VAT1L: variants seen among roughly 807,000 people sequenced by gnomAD.
VAT1L encodes vesicle amine transport 1 like.
VAT1L carries 34 observed loss-of-function variants against 44.1 expected under a neutral mutation model. That is an observed-to-expected ratio of 0.77 (90% CI 0.59 to 1.03). VAT1L has a LOEUF of 1.03. Ranked by LOEUF, VAT1L falls within the 50% of genes least tolerant of loss-of-function variation. VAT1L has a pLI of 0.00. For missense variants in VAT1L, 615 were observed against 538.8 expected (o/e 1.14, Z -1.40); for synonymous variants, 253 against 202.2 (o/e 1.25, Z -2.13).
At chr16:77,806,028 A>G (rs1290030340) in intron 1 of VAT1L, among the ~76,000 whole-genome samples, 1 of 150,786 alleles carries the variant, frequency 6.6e-6, no homozygotes, top group African/African-American at 2.4e-5. Flanking sequence ...ATGCCCAGCA[A>G]ATTTTTATAT....
intron 7 of VAT1L, among the ~76,000 whole-genome samples, chr16:77,918,801 A>G (rs2017579325): frequency 6.6e-6 from 1 of 152,098 alleles, no homozygotes; most frequent in South Asian, 2.1e-4. Context: ...TGGAGGAAGG[A>G]GCCTTCCCTT....
rs1372008530 is a variant in VAT1L at position 77,978,052 on chromosome 16, G to C, written c.*357G>C. 4.7e-6 allele frequency: 1 copy of C among 212,548 alleles called. No individual in the cohort carries two copies. The allele number at this position is 212,548 out of a possible 1,614,324, so 13.2% of individuals were successfully genotyped here. Reference sequence around the variant, plus strand: ...GGCAAAGACAAGTTTGGATGGAAAGGTGTTATCACAGAGCCCTGTCCAGCT... The same window carrying C: ...GGCAAAGACAAGTTTGGATGGAAAGCTGTTATCACAGAGCCCTGTCCAGCT... On this transcript the variant is annotated 3_prime_UTR_variant, in exon 9 of 9. Transcript: ENST00000302536.
At chr16:77,807,426 C>G (rs2016181220) in intron 1 of VAT1L, among the ~76,000 whole-genome samples, 1 of 152,172 alleles carries the variant, frequency 6.6e-6, no homozygotes, top group African/African-American at 2.4e-5. Context: ...AAGGCCCAGT[C>G]CCCATGTCTT....
chr16:77,840,940 A>C (rs8052795), intron 3 of VAT1L, among the ~76,000 whole-genome samples: 23,378 of 152,242 alleles, frequency 0.15, 2,910 homozygotes, highest in African/African-American at 0.34. Context: ...TATTCAAATT[A>C]CATAAACATG....
At chr16:77,838,773 CTTCCT>C (rs1321299289) in intron 3 of VAT1L, among the ~76,000 whole-genome samples, 2 of 149,824 alleles carry the variant, frequency 1.3e-5, no homozygotes, top group Non-Finnish European at 3.0e-5. Flanking sequence ...TCTCTCCTTC[CTTCCT>C]TTCTTCTTTT....
At chr16:77,821,463 C>A (rs949956732) in intron 2 of VAT1L, among the ~76,000 whole-genome samples, 2 of 151,848 alleles carry the variant, frequency 1.3e-5, no homozygotes, top group African/African-American at 4.8e-5. Context: ...GCTAATTTTT[C>A]TGTATTTTTA....
chr16:77,862,065 A>T (rs1422939635), intron 3 of VAT1L, among the ~76,000 whole-genome samples: 1 of 152,238 alleles, frequency 6.6e-6, no homozygotes, highest in African/African-American at 2.4e-5. Flanking sequence ...GCTGTGAAGT[A>T]GGTGGCATTG....
chr16:77,961,178 C>T (rs544534523), intron 7 of VAT1L, among the ~76,000 whole-genome samples: 1 of 152,074 alleles, frequency 6.6e-6, no homozygotes, highest in East Asian at 1.9e-4. Flanking sequence ...GCTTGAGGAA[C>T]AAGAGTCTTT....
rs2018357413 is a variant in VAT1L, at chr16:77,977,783, G to A, written c.*88G>A. 14 of 1,277,060 alleles carry A rather than the reference G, an allele frequency of 1.1e-5. No homozygotes were observed. Among genetic ancestry groups the A allele is most frequent in the Non-Finnish European group, 1.6e-5 (14 of 902,024 alleles). The allele number at this position is 1,277,060 out of a possible 1,614,324, so 79.1% of individuals were successfully genotyped here. A position where few individuals can be genotyped will look rare whatever the true frequency, so the allele number is the denominator to read the frequency against. ...CTCTTCTGTGCCCCAGTGAACAAAT[G>A]CTGTAGTCCAGTGCGTGTCGTGTTT... On this transcript the variant is annotated 3_prime_UTR_variant, in exon 9 of 9. Coordinates refer to ENST00000302536, the MANE Select transcript of VAT1L (RefSeq NM_020927.3).
chr16:77,870,308 C>T (rs2017018185), intron 4 of VAT1L, among the ~76,000 whole-genome samples: 2 of 152,166 alleles, frequency 1.3e-5, no homozygotes, highest in African/African-American at 4.8e-5. Context: ...ATAGTCTCAT[C>T]CTGTGATGGT....
intron 5 of VAT1L, among the ~76,000 whole-genome samples, chr16:77,878,504 C>T (rs538686710): frequency 8.6e-5 from 13 of 152,044 alleles, no homozygotes; most frequent in South Asian, 8.3e-4. Flanking sequence ...CTTTACTCTC[C>T]GTATGAGAAT....
At chr16:77,970,778 G>C (rs1447406353) in intron 7 of VAT1L, among the ~76,000 whole-genome samples, 1 of 152,196 alleles carries the variant, frequency 6.6e-6, no homozygotes, top group African/African-American at 2.4e-5. Context: ...GCTGTGTCAA[G>C]TTGTTATCCA....
intron 7 of VAT1L, among the ~76,000 whole-genome samples, chr16:77,909,267 C>G (rs1349961514): frequency 6.6e-6 from 1 of 152,164 alleles, no homozygotes; most frequent in African/African-American, 2.4e-5. Flanking sequence ...TGATGATATT[C>G]TGTCATAAGC....
chr16:77,977,630 G>C lies in VAT1L; in HGVS notation c.1195G>C (p.Gly399Arg). Residue 399 changes from glycine (G) to arginine (R), a missense_variant, in exon 9 of 9, where the codon GGG (glycine) becomes CGG (arginine). Coordinates refer to ENST00000302536, the MANE Select transcript of VAT1L (RefSeq NM_020927.3). ...ANDSTETSEA[G>R]EEEEDHEGDS... is the part of the protein sequence containing the mutation. Reference sequence around the variant, plus strand: ...TGACAGCACAGAGACCAGTGAAGCAGGGGAAGAGGAGGAGGACCACGAGGG... The same window carrying C: ...TGACAGCACAGAGACCAGTGAAGCACGGGAAGAGGAGGAGGACCACGAGGG... The C allele has an allele frequency of 6.2e-7, 1 of 1,614,114 alleles. No individual in the cohort carries two copies. The highest frequency in any genetic ancestry group is 8.5e-7 in the Non-Finnish European group (1 of 1,179,984).
intron 3 of VAT1L, among the ~76,000 whole-genome samples, chr16:77,858,393 G>A (rs1407135611): frequency 6.6e-6 from 1 of 152,190 alleles, no homozygotes; most frequent in Non-Finnish European, 1.5e-5. Flanking sequence ...TCTGATAGCA[G>A]GATAGCAGAT....
At chr16:77,966,609 A>T (rs1019666438) in intron 7 of VAT1L, among the ~76,000 whole-genome samples, 21 of 152,210 alleles carry the variant, frequency 1.4e-4, no homozygotes, top group Non-Finnish European at 2.8e-4. Context: ...CAGCAGAATT[A>T]TGTGAGCCAC....
chr16:77,816,073 T>C (rs1427854686), intron 1 of VAT1L, among the ~76,000 whole-genome samples: 1 of 148,534 alleles, frequency 6.7e-6, no homozygotes, highest in African/African-American at 2.5e-5. Flanking sequence ...GGGTGTTAAA[T>C]GGAATTCCCA....
chr16:77,924,388 G>C (rs1022963708), intron 7 of VAT1L, among the ~76,000 whole-genome samples: 1 of 151,998 alleles, frequency 6.6e-6, no homozygotes, highest in African/African-American at 2.4e-5. Context: ...TGAGAGCCGG[G>C]AATGAGCACA....
chr16:77,940,082 C>G (rs1211190745), intron 7 of VAT1L, among the ~76,000 whole-genome samples: 1 of 152,152 alleles, frequency 6.6e-6, no homozygotes, highest in Non-Finnish European at 1.5e-5. Flanking sequence ...ATGCCTAAGA[C>G]TATGGTTTAA....
Sources: gnomAD v4.1 joint callset for allele counts (sites outside exome capture counted in the v4.1 genomes callset) on GRCh38, gnomAD v4.1.1 for gene constraint, MANE v1.5 for transcripts, NCBI Gene and HGNC (gene_info 2026-07-23, HGNC 2026-07-21) for gene names.